The following ADGRB1 variants were observed in gnomAD, a reference collection of about 807,000 sequenced individuals.
ADGRB1 encodes adhesion G protein-coupled receptor B1.
A neutral mutation model predicts 175.7 loss-of-function variants in ADGRB1; 36 were observed. That is an observed-to-expected ratio of 0.20 (90% confidence interval 0.16 to 0.27). The LOEUF is 0.27. Among genes scored for constraint, ADGRB1 ranks in the 10% least tolerant of loss-of-function variants. ADGRB1 has a pLI of 1.00. For missense variants in ADGRB1, 1,731 were observed against 2,255.3 expected (o/e 0.77, Z 4.71); for synonymous variants, 1,054 against 979.4 (o/e 1.08, Z -1.42).
intron 27 of ADGRB1, among the ~76,000 whole-genome samples, chr8:142,541,532 G>A (rs904168966): frequency 9.2e-5 from 14 of 152,318 alleles, no homozygotes; most frequent in African/African-American, 1.4e-4. Context: ...GCCCAGGGCC[G>A]TGGGCGTCGG....
chr8:142,512,123 A>G (rs1563727330), intron 18 of ADGRB1, among the ~76,000 whole-genome samples: 1 of 152,236 alleles, frequency 6.6e-6, no homozygotes, highest in Non-Finnish European at 1.5e-5. Context: ...CCTCCAGGCC[A>G]TTGCCAGTAA....
chr8:142,494,648 G>A (rs966806266), intron 17 of ADGRB1, among the ~76,000 whole-genome samples: 1 of 151,812 alleles, frequency 6.6e-6, no homozygotes, highest in Non-Finnish European at 1.5e-5. Flanking sequence ...GTCTGCTCAT[G>A]CTCTGTAAAC....
At chr8:142,523,275 G>A (rs1843965790) in intron 22 of ADGRB1, among the ~76,000 whole-genome samples, 1 of 152,092 alleles carries the variant, frequency 6.6e-6, no homozygotes, top group East Asian at 1.9e-4. Context: ...AAAGGGTCTG[G>A]GGCTCAGGAT....
In ADGRB1 at chr8:142,477,391, G is replaced by A; in HGVS notation, c.1229G>A (p.Gly410Asp). 1 of 1,607,176 alleles carries A rather than the reference G, an allele frequency of 6.2e-7. No homozygotes were observed. The highest frequency in any genetic ancestry group is 8.5e-7 in the Non-Finnish European group (1 of 1,179,500). ...CNNSAVCPVH[G>D]AWDEWSPWSL... ...ACCTTCCGTCCCTCTGCAGTGCATG[G>A]TGCCTGGGATGAGTGGTCGCCCTGG... Residue 410 changes from glycine (G) to aspartate (D), a missense_variant, in exon 6 of 31, where the codon GGT (glycine) becomes GAT (aspartate). Gly to Asp is a moderately conservative substitution (Grantham distance 94). Transcript: ENST00000517894.
intron 22 of ADGRB1, among the ~76,000 whole-genome samples, chr8:142,523,829 G>A (rs1247078853): frequency 6.6e-6 from 1 of 152,050 alleles, no homozygotes; most frequent in Non-Finnish European, 1.5e-5. Context: ...ACCAGGTGCT[G>A]AGGCCACGGG....
At chr8:142,539,490 TC>T (rs1357840702) in intron 27 of ADGRB1, 77 bp downstream of exon 27, 4 of 1,515,136 alleles carry the variant, frequency 2.6e-6, no homozygotes, top group Non-Finnish European at 1.8e-6. Context: ...CGCCTGTGCC[TC>T]CCCCACATCA....
chr8:142,502,401 G>A (rs1271078017), intron 17 of ADGRB1, among the ~76,000 whole-genome samples: 2 of 75,994 alleles, frequency 2.6e-5, no homozygotes, highest in Non-Finnish European at 5.5e-5. Flanking sequence ...TGGTGGTGAT[G>A]GTGGTGGTGG....
At chr8:142,456,409 T>C (rs1265996989) in intron 1 of ADGRB1, among the ~76,000 whole-genome samples, 4 of 152,092 alleles carry the variant, frequency 2.6e-5, no homozygotes, top group African/African-American at 9.6e-5. Flanking sequence ...AAAAGGAGCA[T>C]GCACACACCC....
Position 142,464,329 on chromosome 8 carries a change from C to A in ADGRB1, c.131C>A (p.Ala44Asp), listed in dbSNP as rs770391060. ...GCGGGGCCCGGGCCCGAGCCGTGCG[C>A]CACGCTGGTGCAGGGAAAGTTCTTC... is the stretch of plus-strand genomic sequence containing the variant. ...ADAGPGPEPC[A>D]TLVQGKFFGY... Residue 44 changes from alanine (A) to aspartate (D), a missense_variant, in exon 2 of 31, where the codon GCC becomes GAC. Around this residue, in one of 8 missense-constraint regions of ADGRB1, gnomAD observed 383 missense variants for 383.1 expected, o/e 1.00. Coordinates refer to ENST00000517894, the MANE Select transcript of ADGRB1 (RefSeq NM_001702.3). 1.3e-4 allele frequency: 192 copies of A among 1,497,996 alleles called. No individual in the cohort carries two copies. The highest frequency in any genetic ancestry group is 1.6e-4 in the Non-Finnish European group (176 of 1,130,074). The allele number at this position is 1,497,996 out of a possible 1,614,324, so 92.8% of individuals were successfully genotyped here.
At position 142,464,552 on chromosome 8, in the gene ADGRB1, G is replaced by A; in HGVS notation, c.354G>A (p.Glu118=). The A allele has an allele frequency of 1.3e-6, 2 of 1,552,694 alleles. No individual in the cohort carries two copies. The highest frequency in any genetic ancestry group is 1.2e-5 in the South Asian group (1 of 84,218). Residue 118 remains glutamate (E), a synonymous_variant, in exon 2 of 31, where the codon GAG becomes GAA. Transcript: ENST00000517894. ...CCACGCGCACCTACCTGGGCGTGGA[G>A]AGCTTCGACGAGGTGCTGCGGCTCT... ...LESTRTYLGV[E]SFDEVLRLCD...
At chr8:142,480,343 C>A (rs1279511253) in intron 9 of ADGRB1, among the ~76,000 whole-genome samples, 1 of 152,140 alleles carries the variant, frequency 6.6e-6, no homozygotes, top group African/African-American at 2.4e-5. Context: ...TCAGAAACTG[C>A]CTTAACCTCC....
intron 24 of ADGRB1, among the ~76,000 whole-genome samples, chr8:142,526,855 C>T (rs1230346510): frequency 6.6e-6 from 1 of 152,190 alleles, no homozygotes; most frequent in Admixed American, 6.5e-5. Flanking sequence ...GGGTGGGTCC[C>T]ATAAAGTCCT....
chr8:142,535,358 C>T (rs1844865046), intron 25 of ADGRB1, among the ~76,000 whole-genome samples: 1 of 152,068 alleles, frequency 6.6e-6, no homozygotes, highest in South Asian at 2.1e-4. Flanking sequence ...CCAGCATGCT[C>T]CTATGGTGGG....
chr8:142,488,957 G>A, intron 14 of ADGRB1, 78 bp from the exon 15 acceptor site: 4 of 1,506,188 alleles, frequency 2.7e-6, no homozygotes, highest in Non-Finnish European at 3.6e-6. Flanking sequence ...CAGTGACAGC[G>A]GGGTCCAGGC....
chr8:142,477,909 A>C lies in ADGRB1; in HGVS notation c.1388-278A>C, dbSNP rs148729677. Among the ~76,000 whole-genome samples, 98 of 116,694 alleles carry C rather than the reference A, an allele frequency of 8.4e-4. No individual in the cohort carries two copies. In the East Asian group the frequency reaches 0.017, roughly 20 times the overall value. The allele number at this position is 116,694 out of a possible 152,430, so 76.6% of individuals were successfully genotyped here. A position where few individuals can be genotyped will look rare whatever the true frequency, so the allele number is the denominator to read the frequency against. On this transcript the variant is annotated intron_variant, in intron 6 of 30. Transcript: ENST00000517894. ...GCCCCAGGGTGTTCTCACCCATGTC[A>C]CAGGCTGGGTGTGGGGTGGTGGCCC...
At position 142,475,575 on chromosome 8, in the gene ADGRB1, G is replaced by A. The variant is rs769432978; in HGVS notation, c.886G>A (p.Gly296Ser). The change falls in exon 3 of 31, where the codon GGC becomes AGC. Residue 296 changes from glycine to serine, a missense_variant. Around this residue, in one of 8 missense-constraint regions of ADGRB1, gnomAD observed 178 missense variants for 227.8 expected, o/e 0.78. Coordinates refer to ENST00000517894, the MANE Select transcript of ADGRB1 (RefSeq NM_001702.3). ...RTCLPAPGVEGGGCEGVLEEG... is the reference protein window; with the variant it reads ...RTCLPAPGVESGGCEGVLEEG... Reference sequence around the variant, plus strand: ...CTGCCTGCCCGCGCCGGGCGTGGAGGGCGGCGGCTGCGAGGGGGTGCTGGA... The same window carrying A: ...CTGCCTGCCCGCGCCGGGCGTGGAGAGCGGCGGCTGCGAGGGGGTGCTGGA... 1.6e-6 allele frequency: 2 copies of A among 1,263,884 alleles called. No individual in the cohort carries two copies. Among genetic ancestry groups the A allele is most frequent in the Non-Finnish European group, 2.0e-6 (2 of 1,005,074 alleles). 78.3% of individuals were successfully genotyped at this position (1,263,884 alleles called of 1,614,324 possible). A position where few individuals can be genotyped will look rare whatever the true frequency, so the allele number is the denominator to read the frequency against.
chr8:142,539,509 C>A, intron 27 of ADGRB1, 96 bp downstream of exon 27: 2 of 1,416,862 alleles, frequency 1.4e-6, no homozygotes, highest in South Asian at 1.2e-5. Context: ...TCACCCATCC[C>A]TGTCCACTCC....
chr8:142,488,221 C>T, intron 13 of ADGRB1, 143 bp from the exon 14 acceptor site: 1 of 1,196,458 alleles, frequency 8.4e-7, no homozygotes, highest in Non-Finnish European at 1.2e-6. Flanking sequence ...AGATGGCCCC[C>T]ACACTCCTGC....
Position 142,526,277 on chromosome 8 carries a change from G to C in ADGRB1, c.3313-265G>C, listed in dbSNP as rs369923473. Among the ~76,000 whole-genome samples, 32 of 152,276 alleles carry C rather than the reference G, an allele frequency of 2.1e-4. 2 individuals carry two copies. Among genetic ancestry groups the C allele is most frequent in the Admixed American group, 1.6e-3 (25 of 15,308 alleles). On this transcript the variant is annotated intron_variant, in intron 23 of 30. Transcript: ENST00000517894. ...TCCGGGCCCTGTGGGTGGGGAGCTC[G>C]CTGGTGGAAGGGATGCAAGGAGTTG... is the stretch of plus-strand genomic sequence containing the variant.
Sources: gnomAD v4.1 joint callset for allele counts (sites outside exome capture counted in the v4.1 genomes callset) on GRCh38, gnomAD v4.1.1 for gene constraint, gnomAD v4.1.1 regional missense constraint, MANE v1.5 for transcripts, NCBI Gene and HGNC (gene_info 2026-07-23, HGNC 2026-07-21) for gene names.